RPGRIP1L: variants seen among roughly 807,000 people sequenced by gnomAD.
RPGRIP1L encodes RPGRIP1 like, also known as protein fantom.
RPGRIP1L carries 131 observed loss-of-function variants against 160.4 expected under a neutral mutation model. The observed-to-expected ratio is 0.82, with a 90% CI of 0.71 to 0.94. The LOEUF is 0.94. Ranked by LOEUF, RPGRIP1L falls within the 40% of genes least tolerant of loss-of-function variation. The pLI is 0.00. For missense variants in RPGRIP1L, 1,522 were observed against 1,535.8 expected (o/e 0.99, Z 0.15); for synonymous variants, 510 against 515.8 (o/e 0.99, Z 0.15).
intron 3 of RPGRIP1L, chr16:53,694,892 A>G (rs1970639961): frequency 6.4e-6 from 1 of 157,116 alleles, no homozygotes; most frequent in African/African-American, 2.4e-5. Flanking sequence ...ATCGAGAGGC[A>G]TTTAGAGCTT....
rs1204032673 is a variant in RPGRIP1L at position 53,638,497 on chromosome 16, A to T, written c.2959-86T>A. On this transcript the variant is annotated intron_variant, in intron 19 of 26. Coordinates refer to ENST00000647211, the MANE Select transcript of RPGRIP1L (RefSeq NM_015272.5). ...CATTCTATCATATACATATTGAACT[A>T]CTAAAAATTGGCAGCAAATGTAACA... 5.5e-6 allele frequency: 4 copies of T among 733,192 alleles called. No homozygotes were observed. In the Admixed American group the frequency reaches 8.6e-5, roughly 16 times the overall value. 45.4% of individuals were successfully genotyped at this position (733,192 alleles called of 1,614,324 possible). A position where few individuals can be genotyped will look rare whatever the true frequency, so the allele number is the denominator to read the frequency against.
At chr16:53,688,063 AG>A in intron 4 of RPGRIP1L, 98 bp from the exon 5 acceptor site, 23 of 777,430 alleles carry the variant, frequency 3.0e-5, no homozygotes, top group Non-Finnish European at 4.6e-5. Flanking sequence ...AAATCTCTTA[AG>A]TATTAAGAGG....
chr16:53,648,626 G>GCACACACACACACACACACACA (rs113624342), intron 16 of RPGRIP1L, among the ~76,000 whole-genome samples: 2 of 143,988 alleles, frequency 1.4e-5, no homozygotes, highest in African/African-American at 2.6e-5. Context: ...GCGCGCGCGC[G>GCACACACACACACACACACACA]CACACACACA....
chr16:53,619,433 C>T (rs1458317971), intron 23 of RPGRIP1L, among the ~76,000 whole-genome samples: 2 of 152,158 alleles, frequency 1.3e-5, no homozygotes, highest in African/African-American at 4.8e-5. Context: ...AGTGTCATGG[C>T]AATAGTCTCC....
intron 24 of RPGRIP1L, among the ~76,000 whole-genome samples, chr16:53,614,469 G>A (rs942286391): frequency 3.3e-5 from 5 of 152,198 alleles, no homozygotes; most frequent in African/African-American, 1.2e-4. Flanking sequence ...TGATATTGCT[G>A]CTGGTGGTGG....
chr16:53,703,799 T>C lies in RPGRIP1L; in HGVS notation c.-8+4A>G. On this transcript the variant is annotated splice_donor_region_variant and intron_variant, in intron 1 of 26. Transcript: ENST00000647211. The stretch of plus-strand genomic sequence containing the variant: ...CATCCTCCCCCATCCTCCCGGGTAC[T>C]CACCGTGCCACTGGCCCTGCAGCTA... 2.6e-6 allele frequency: 1 copy of C among 379,862 alleles called. No individual in the cohort carries two copies. 23.5% of individuals were successfully genotyped at this position (379,862 alleles called of 1,614,324 possible). A position where few individuals can be genotyped will look rare whatever the true frequency, so the allele number is the denominator to read the frequency against.
intron 6 of RPGRIP1L, among the ~76,000 whole-genome samples, chr16:53,680,441 G>T (rs1969517544): frequency 6.6e-6 from 1 of 151,894 alleles, no homozygotes; most frequent in African/African-American, 2.4e-5. Flanking sequence ...CTGTCAATGG[G>T]CTATAAAAGA....
intron 23 of RPGRIP1L, among the ~76,000 whole-genome samples, chr16:53,621,691 TG>T (rs1964723556): frequency 6.6e-6 from 1 of 152,212 alleles, no homozygotes; most frequent in Non-Finnish European, 1.5e-5. Flanking sequence ...TTTTCAATGC[TG>T]GAACAATTCT....
chr16:53,661,347 A>G (rs1458272466), intron 10 of RPGRIP1L, among the ~76,000 whole-genome samples: 1 of 152,116 alleles, frequency 6.6e-6, no homozygotes, highest in Non-Finnish European at 1.5e-5. Flanking sequence ...AAAAATTTTG[A>G]AGGTATAGGT....
chr16:53,674,825 T>C (rs1394469641), intron 7 of RPGRIP1L, among the ~76,000 whole-genome samples, 192 bp downstream of exon 7: 1 of 152,148 alleles, frequency 6.6e-6, no homozygotes, highest in East Asian at 1.9e-4. Flanking sequence ...GTTAATTATT[T>C]CTTTAGTGCT....
Position 53,692,314 on chromosome 16 carries a change from C to G in RPGRIP1L, c.281G>C (p.Arg94Pro), listed in dbSNP as rs549881475. Residue 94 changes from arginine to proline, a missense_variant, in exon 4 of 27, where the codon CGG becomes CCG. Transcript: ENST00000647211. ...RLVNDKKRYE[R>P]VGGGPKRLGR... The stretch of plus-strand genomic sequence containing the variant: ...CAGCCGCTTGGGGCCGCCACCAACC[C>G]GCTCATATCTTTTCTTGTCATTAAC... 1.9e-6 allele frequency: 3 copies of G among 1,614,094 alleles called. No homozygotes were observed. The Admixed American group carries it at 5.0e-5, about 27-fold the overall frequency.
intron 23 of RPGRIP1L, among the ~76,000 whole-genome samples, chr16:53,621,831 G>A (rs1461929589): frequency 6.6e-6 from 1 of 150,632 alleles, no homozygotes; most frequent in Non-Finnish European, 1.5e-5. Flanking sequence ...GACCATCCTG[G>A]CTAAATATGG....
chr16:53,641,454 T>A lies in RPGRIP1L; in HGVS notation c.2705A>T (p.His902Leu). ...CISGIFELTD[H>L]QKHPAGTIHV... Reference sequence around the variant, plus strand: ...GATGGTGCCAGCAGGATGCTTTTGATGGTCTGTTAACTCAAATATTCCTGT... The same window carrying A: ...GATGGTGCCAGCAGGATGCTTTTGAAGGTCTGTTAACTCAAATATTCCTGT... Residue 902 changes from histidine to leucine, a missense_variant, in exon 18 of 27, where the codon CAT becomes CTT. His to Leu is a moderately conservative substitution (Grantham distance 99). Transcript: ENST00000647211. 6.2e-7 allele frequency: 1 copy of A among 1,613,864 alleles called. No homozygotes were observed. Among genetic ancestry groups the A allele is most frequent in the Non-Finnish European group, 8.5e-7 (1 of 1,179,792 alleles).
intron 22 of RPGRIP1L, among the ~76,000 whole-genome samples, chr16:53,624,314 A>G (rs1435591663): frequency 2.0e-5 from 3 of 152,170 alleles, no homozygotes; most frequent in African/African-American, 7.2e-5. Flanking sequence ...GCACTTTGGG[A>G]GGCAGAGGCA....
intron 16 of RPGRIP1L, among the ~76,000 whole-genome samples, chr16:53,648,231 AT>A (rs1256860683): frequency 6.6e-6 from 1 of 152,114 alleles, no homozygotes; most frequent in Non-Finnish European, 1.5e-5. Flanking sequence ...ATATGAAAAT[AT>A]GGTCATTAAG....
At chr16:53,645,594 C>T (rs2151081216) in intron 17 of RPGRIP1L, 31 bp downstream of exon 17, 1 of 1,600,604 alleles carries the variant, frequency 6.2e-7, no homozygotes, top group Non-Finnish European at 8.5e-7. Flanking sequence ...TTTGTTTTTA[C>T]AATTTTATAG....
chr16:53,645,847 C>A lies in RPGRIP1L; in HGVS notation c.2461G>T (p.Asp821Tyr), dbSNP rs377377380. 2.5e-6 allele frequency: 4 copies of A among 1,613,952 alleles called. No homozygotes were observed. Among genetic ancestry groups the A allele is most frequent in the African/African-American group, 2.7e-5 (2 of 74,892 alleles). ...ATAGCTGTATCATGGTCTGCAAAAT[C>A]AAAAAACTTGTACACAACATATGGG... is the stretch of plus-strand genomic sequence containing the variant. ...PHPYVVYKFF[D>Y]FADHDTAIIP... The change falls in exon 17 of 27, where the codon GAT becomes TAT. Residue 821 changes from aspartate to tyrosine, a missense_variant. Coordinates refer to ENST00000647211, the MANE Select transcript of RPGRIP1L (RefSeq NM_015272.5).
rs1268307810 is a variant in RPGRIP1L, at chr16:53,598,981, G to C, written c.*3095C>G. 6.6e-6 allele frequency: 1 copy of C among 151,964 alleles called. No individual in the cohort carries two copies. The highest frequency in any genetic ancestry group is 2.4e-5 in the African/African-American group (1 of 41,358). 9.4% of individuals were successfully genotyped at this position (151,964 alleles called of 1,614,324 possible). On this transcript the variant is annotated 3_prime_UTR_variant, in exon 27 of 27. Coordinates refer to ENST00000647211, the MANE Select transcript of RPGRIP1L (RefSeq NM_015272.5). ...CATTCTACATTCAGCAATAGTGCCA[G>C]TTTGACTAAAAAAAAAATTTTCCAT...
chr16:53,619,124 A>G lies in RPGRIP1L; in HGVS notation c.3517T>C (p.Phe1173Leu), dbSNP rs752213129. 1 of 1,614,036 alleles carries G rather than the reference A, an allele frequency of 6.2e-7. No individual in the cohort carries two copies. The highest frequency in any genetic ancestry group is 1.1e-5 in the South Asian group (1 of 91,076). Residue 1173 changes from phenylalanine to leucine, a missense_variant, in exon 24 of 27, where the codon TTT (phenylalanine) becomes CTT (leucine). Transcript: ENST00000647211. ...VTMDDTIQRLFVECRFYSLPA... is the reference protein window; with the variant it reads ...VTMDDTIQRLLVECRFYSLPA... ...AGACTGTAGAATCGACACTCAACAA[A>G]CAGCCGTTGGATAGTGTCATCCATG...
Sources: gnomAD v4.1 joint callset for allele counts (sites outside exome capture counted in the v4.1 genomes callset) on GRCh38, gnomAD v4.1.1 for gene constraint, MANE v1.5 for transcripts, NCBI Gene and HGNC (gene_info 2026-07-23, HGNC 2026-07-21) for gene names.